NOS1AP: variants seen among roughly 807,000 people sequenced by gnomAD.
NOS1AP encodes the protein nitric oxide synthase 1 adaptor protein, also known as carboxyl-terminal PDZ ligand of neuronal nitric oxide synthase protein.
A neutral mutation model predicts 56.2 loss-of-function variants in NOS1AP; 21 were observed. The ratio of observed to expected loss-of-function variants is 0.37; its 90% CI spans 0.26 to 0.54. The LOEUF (loss-of-function observed/expected upper bound fraction) is 0.54, where lower values mean the gene tolerates loss of function less well. Ranked by LOEUF, NOS1AP falls within the 20% of genes least tolerant of loss-of-function variation. The pLI, the probability that NOS1AP is intolerant of heterozygous loss-of-function variation, is 0.84. For missense variants in NOS1AP, 522 were observed against 657.8 expected (o/e 0.79, Z 2.26); for synonymous variants, 270 against 274.6 (o/e 0.98, Z 0.17).
intron 2 of NOS1AP, among the ~76,000 whole-genome samples, chr1:162,179,780 A>G (rs1651187524): frequency 6.6e-6 from 1 of 152,198 alleles, no homozygotes; most frequent in Non-Finnish European, 1.5e-5. Flanking sequence ...CAATAAGATC[A>G]TGAAGGCGCT....
chr1:162,199,332 A>G (rs4098275), intron 2 of NOS1AP, among the ~76,000 whole-genome samples: 24,034 of 152,188 alleles, frequency 0.16, 2,107 homozygotes, highest in South Asian at 0.23. Context: ...CATGCCGGTT[A>G]CGTCCTCACT....
rs934525256 is a variant in NOS1AP at position 162,317,616 on chromosome 1, T to G, written c.345-15401T>G. 18 of 152,332 alleles carry G rather than the reference T, an allele frequency of 1.2e-4. No homozygotes were observed. The East Asian group carries it at 2.3e-3, about 20-fold the overall frequency. 9.4% of individuals were successfully genotyped at this position (152,332 alleles called of 1,614,324 possible). On this transcript the variant is annotated intron_variant, in intron 4 of 9. Coordinates refer to ENST00000361897, the MANE Select transcript of NOS1AP (RefSeq NM_014697.3). ...TCCCAAGAGAGCATGTAGTATTGGCTAGGCCTCCCCACCCTTCCAGCCCTC... is the reference window on the plus strand; with the variant it reads ...TCCCAAGAGAGCATGTAGTATTGGCGAGGCCTCCCCACCCTTCCAGCCCTC...
At position 162,155,310 on chromosome 1, in the gene NOS1AP, GTATA is replaced by G. The variant is rs770493304; in HGVS notation, c.177+842_177+845del. 9.2e-5 allele frequency among the ~76,000 whole-genome samples: 13 copies of G among 141,186 alleles called. No homozygotes were observed. The Admixed American group carries it at 9.4e-4, about 10-fold the overall frequency. The allele number at this position is 141,186 out of a possible 152,430, so 92.6% of individuals were successfully genotyped here. On this transcript the variant is annotated intron_variant, in intron 2 of 9. Transcript: ENST00000361897. Reference sequence around the variant, plus strand: ...TATACATATATATGTATATGTATGTGTATATATATATGTATGTGTATATGTATGT... The same window carrying G: ...TATACATATATATGTATATGTATGTGTATATATGTATGTGTATATGTATGT...
At chr1:162,085,379 T>C (rs1411909281) in intron 1 of NOS1AP, among the ~76,000 whole-genome samples, 1 of 152,106 alleles carries the variant, frequency 6.6e-6, no homozygotes, top group African/African-American at 2.4e-5. Flanking sequence ...CAGATAATTC[T>C]AATCAAATCA....
At chr1:162,328,996 A>G (rs1192242216) in intron 4 of NOS1AP, among the ~76,000 whole-genome samples, 1 of 139,068 alleles carries the variant, frequency 7.2e-6, no homozygotes, top group East Asian at 2.2e-4. Context: ...GAATAGTTTG[A>G]GAAGGGGGGT....
At chr1:162,295,195 CT>C (rs1256546148) in intron 3 of NOS1AP, among the ~76,000 whole-genome samples, 1 of 152,182 alleles carries the variant, frequency 6.6e-6, no homozygotes, top group Non-Finnish European at 1.5e-5. Flanking sequence ...TCTCTTTCTC[CT>C]CCTGTTTCCT....
intron 2 of NOS1AP, among the ~76,000 whole-genome samples, chr1:162,165,850 G>A (rs1038447757): frequency 6.6e-6 from 1 of 152,156 alleles, no homozygotes. Context: ...TGTATATTCT[G>A]TGTGACACTC....
At chr1:162,155,497 A>C (rs940646812) in intron 2 of NOS1AP, among the ~76,000 whole-genome samples, 1 of 151,044 alleles carries the variant, frequency 6.6e-6, no homozygotes, top group Non-Finnish European at 1.5e-5. Context: ...ATTTACTTGG[A>C]TTTTTAAGAG....
chr1:162,095,996 CT>C (rs375886883), intron 1 of NOS1AP, among the ~76,000 whole-genome samples: 9 of 152,330 alleles, frequency 5.9e-5, no homozygotes, highest in East Asian at 3.9e-4. Flanking sequence ...CTAATTCATC[CT>C]GTTTAATCCT....
chr1:162,093,622 A>T (rs1382739564), intron 1 of NOS1AP, among the ~76,000 whole-genome samples: 3 of 151,666 alleles, frequency 2.0e-5, no homozygotes, highest in Non-Finnish European at 4.4e-5. Context: ...TGGCATGATC[A>T]TGGCTCACTG....
chr1:162,308,399 TG>T (rs1412635606), intron 4 of NOS1AP, among the ~76,000 whole-genome samples: 7 of 151,956 alleles, frequency 4.6e-5, no homozygotes, highest in Non-Finnish European at 8.8e-5. Flanking sequence ...GAAACAAACC[TG>T]GGGGGCAGGG....
chr1:162,151,635 C>T (rs1483800208), intron 1 of NOS1AP, among the ~76,000 whole-genome samples: 1 of 152,144 alleles, frequency 6.6e-6, no homozygotes, highest in Non-Finnish European at 1.5e-5. Context: ...CATGGGTTAT[C>T]TTTCCATTAT....
At chr1:162,114,883 A>G (rs142699500) in intron 1 of NOS1AP, among the ~76,000 whole-genome samples, 32 of 152,284 alleles carry the variant, frequency 2.1e-4, no homozygotes, top group Non-Finnish European at 4.3e-4. Context: ...GTGGGATGGT[A>G]TCTCCTGTTG....
intron 2 of NOS1AP, among the ~76,000 whole-genome samples, chr1:162,223,286 T>C (rs942032371): frequency 6.6e-6 from 1 of 152,230 alleles, no homozygotes; most frequent in Non-Finnish European, 1.5e-5. Context: ...GTTTGTTTTG[T>C]TTTATTTGTT....
intron 7 of NOS1AP, among the ~76,000 whole-genome samples, chr1:162,355,587 C>A (rs1657676913): frequency 6.6e-6 from 1 of 152,214 alleles, no homozygotes; most frequent in Non-Finnish European, 1.5e-5. Flanking sequence ...TCGCCCTCCC[C>A]AAATCCCACC....
chr1:162,278,788 G>A (rs1464652095), intron 2 of NOS1AP, among the ~76,000 whole-genome samples: 3 of 151,434 alleles, frequency 2.0e-5, no homozygotes, highest in African/African-American at 4.9e-5. Flanking sequence ...CTGCATAATG[G>A]ATGTGTATAT....
intron 2 of NOS1AP, among the ~76,000 whole-genome samples, chr1:162,227,845 G>A (rs1291541581): frequency 6.6e-6 from 1 of 152,122 alleles, no homozygotes; most frequent in Non-Finnish European, 1.5e-5. Context: ...ACCACTATGA[G>A]AGACAGGTGG....
intron 5 of NOS1AP, chr1:162,342,495 T>TA: frequency 2.1e-6 from 1 of 471,398 alleles, no homozygotes. Context: ...GAGAATGGAC[T>TA]ACAGCAGTTG....
intron 2 of NOS1AP, among the ~76,000 whole-genome samples, chr1:162,230,041 A>C (rs529128695): frequency 1.3e-5 from 2 of 152,340 alleles, no homozygotes; most frequent in South Asian, 4.1e-4. Context: ...ATACAAGAGA[A>C]GCAGCCTGTG....
Sources: gnomAD v4.1 joint callset for allele counts (sites outside exome capture counted in the v4.1 genomes callset) on GRCh38, gnomAD v4.1.1 for gene constraint, MANE v1.5 for transcripts, NCBI Gene and HGNC (gene_info 2026-07-23, HGNC 2026-07-21) for gene names.